Variants in L3MBTL4 observed in about 807,000 individuals in gnomAD.
The protein encoded by L3MBTL4 is lethal(3)malignant brain tumor-like protein 4.
Under a neutral mutation model 84.5 loss-of-function variants are expected in L3MBTL4, and 70 were observed. That is an observed-to-expected ratio of 0.83 (90% confidence interval 0.68 to 1.01). L3MBTL4 has a LOEUF of 1.01. Ranked by LOEUF, L3MBTL4 falls within the 50% of genes least tolerant of loss-of-function variation. The pLI is 0.00. For missense variants in L3MBTL4, 715 were observed against 754.8 expected, an observed-to-expected ratio of 0.95 and a Z score of 0.62; for synonymous variants, 274 against 259.8, an observed-to-expected ratio of 1.05 and a Z score of -0.52.
At chr18:6,186,002 A>AGTTTAGTTTAGTTTAGTT (rs2044738131) in intron 12 of L3MBTL4, among the ~76,000 whole-genome samples, 1 of 134,184 alleles carries the variant, frequency 7.5e-6, no homozygotes, top group African/African-American at 3.8e-5. Flanking sequence ...TTATTATTTT[A>AGTTTAGTTTAGTTTAGTT]TATTTTATTT....
Position 6,093,479 on chromosome 18 carries a change from G to T in L3MBTL4, c.1249C>A (p.Leu417Ile), listed in dbSNP as rs1220716169. 1 of 1,613,750 alleles carries T rather than the reference G, an allele frequency of 6.2e-7. No individual in the cohort carries two copies. The highest frequency in any genetic ancestry group is 8.5e-7 in the Non-Finnish European group (1 of 1,179,972). The change falls in exon 15 of 19, where the codon CTT (leucine) becomes ATT (isoleucine). Residue 417 changes from leucine (L) to isoleucine (I), a missense_variant. Physicochemically the swap from Leu to Ile is conservative, Grantham distance 5 (BLOSUM62 2). Coordinates refer to ENST00000317931, the MANE Select transcript of L3MBTL4 (RefSeq NM_001330559.2). ...SDMNLKKEAT[L>I]HDRLREQTQA... ...GTTTGTTCTCTCAAACGATCGTGAA[G>T]TGTTGCCTCCTTTTTCAAGTTCATG...
intron 14 of L3MBTL4, among the ~76,000 whole-genome samples, chr18:6,101,057 G>T (rs1489694220): frequency 2.6e-5 from 4 of 152,210 alleles, no homozygotes; most frequent in Non-Finnish European, 5.9e-5. Context: ...GGATGAAGGT[G>T]TTTCCTGGGG....
At chr18:6,150,630 A>G (rs1423939439) in intron 13 of L3MBTL4, among the ~76,000 whole-genome samples, 1 of 152,148 alleles carries the variant, frequency 6.6e-6, no homozygotes, top group Non-Finnish European at 1.5e-5. Flanking sequence ...AGATGCTTCG[A>G]TAACGTAAAA....
At chr18:6,385,062 T>C (rs2054761279) in intron 1 of L3MBTL4, among the ~76,000 whole-genome samples, 1 of 152,052 alleles carries the variant, frequency 6.6e-6, no homozygotes. Flanking sequence ...GTTCGTAAGT[T>C]CAAAGCAAAA....
chr18:6,072,903 T>A (rs375684021), intron 16 of L3MBTL4, among the ~76,000 whole-genome samples: 2,406 of 53,866 alleles, frequency 0.045, 396 homozygotes, highest in African/African-American at 0.11. Context: ...TATATATATA[T>A]ATATATATAT....
chr18:6,379,975 A>G (rs2054531200), intron 1 of L3MBTL4, among the ~76,000 whole-genome samples: 1 of 152,132 alleles, frequency 6.6e-6, no homozygotes, highest in Non-Finnish European at 1.5e-5. Context: ...TAGGCTATTA[A>G]TTACTGCCTC....
intron 1 of L3MBTL4, among the ~76,000 whole-genome samples, chr18:6,368,430 G>A (rs1438861767): frequency 6.6e-6 from 1 of 152,150 alleles, no homozygotes; most frequent in Non-Finnish European, 1.5e-5. Context: ...AGGGACCCTG[G>A]GTGATAAACA....
intron 1 of L3MBTL4, among the ~76,000 whole-genome samples, chr18:6,331,757 T>C (rs998306629): frequency 1.3e-5 from 2 of 152,070 alleles, no homozygotes; most frequent in East Asian, 1.9e-4. Context: ...AAATGCATAA[T>C]ACAGTATGAA....
chr18:6,406,563 C>T (rs1201305345), intron 1 of L3MBTL4, among the ~76,000 whole-genome samples: 1 of 151,950 alleles, frequency 6.6e-6, no homozygotes, highest in Non-Finnish European at 1.5e-5. Flanking sequence ...GTGATTTTAC[C>T]CCTCCACCCC....
chr18:6,357,229 G>A (rs2053488696), intron 1 of L3MBTL4, among the ~76,000 whole-genome samples: 1 of 152,098 alleles, frequency 6.6e-6, no homozygotes, highest in Admixed American at 6.6e-5. Flanking sequence ...GAAAAGAAAT[G>A]GTGACAACAG....
chr18:6,077,720 T>TAA (rs59029384), intron 16 of L3MBTL4, among the ~76,000 whole-genome samples: 20 of 139,318 alleles, frequency 1.4e-4, no homozygotes, highest in Admixed American at 2.9e-4. Flanking sequence ...CCATTTTCCT[T>TAA]AAAAAAAAAA....
At chr18:6,031,537 G>T in intron 16 of L3MBTL4, 2 of 975,334 alleles carry the variant, frequency 2.1e-6, no homozygotes, top group Non-Finnish European at 2.4e-6. Context: ...AGGAATTTAG[G>T]CTCAGGTGGG....
intron 10 of L3MBTL4, among the ~76,000 whole-genome samples, chr18:6,229,581 G>A (rs138023148): frequency 7.2e-5 from 11 of 152,070 alleles, no homozygotes; most frequent in Admixed American, 1.3e-4. Context: ...TTTTCTCTAC[G>A]TTTTCTTTTA....
At chr18:6,048,196 AT>A (rs1223153074) in intron 16 of L3MBTL4, among the ~76,000 whole-genome samples, 2 of 152,180 alleles carry the variant, frequency 1.3e-5, no homozygotes, top group African/African-American at 2.4e-5. Flanking sequence ...AAAGATCTCT[AT>A]AAAGAACTAC....
chr18:6,222,476 G>C (rs1267600237), intron 10 of L3MBTL4, among the ~76,000 whole-genome samples: 1 of 150,148 alleles, frequency 6.7e-6, no homozygotes, highest in Non-Finnish European at 1.5e-5. Context: ...GCGCCCAGCA[G>C]AACTGTCTTC....
chr18:5,992,860 G>A (rs1212606428), intron 16 of L3MBTL4, among the ~76,000 whole-genome samples: 1 of 152,194 alleles, frequency 6.6e-6, no homozygotes, highest in African/African-American at 2.4e-5. Flanking sequence ...GCAGAACCGT[G>A]AGCCAATATG....
At chr18:6,352,414 T>C (rs920913478) in intron 1 of L3MBTL4, among the ~76,000 whole-genome samples, 35 of 152,226 alleles carry the variant, frequency 2.3e-4, no homozygotes, top group Admixed American at 1.9e-3. Context: ...TCATTCAAAA[T>C]TTATTGAGAG....
intron 12 of L3MBTL4, among the ~76,000 whole-genome samples, chr18:6,192,843 G>A (rs2045183162): frequency 6.6e-6 from 1 of 152,106 alleles, no homozygotes; most frequent in Admixed American, 6.5e-5. Flanking sequence ...AAGAAAGGGA[G>A]AGGAGTGGAA....
chr18:6,055,360 A>G (rs1201006615), intron 16 of L3MBTL4, among the ~76,000 whole-genome samples: 1 of 152,200 alleles, frequency 6.6e-6, no homozygotes, highest in Non-Finnish European at 1.5e-5. Flanking sequence ...TCAAATCACT[A>G]GGCTTAAAAG....
Sources: allele counts gnomAD v4.1 joint callset (sites outside exome capture counted in the v4.1 genomes callset), GRCh38; gene constraint gnomAD v4.1.1; transcripts MANE v1.5; gene names NCBI Gene and HGNC (gene_info 2026-07-23, HGNC 2026-07-21).